The following IL1RAPL1 variants were observed in gnomAD, a reference collection of about 807,000 sequenced individuals.
IL1RAPL1 encodes interleukin 1 receptor accessory protein like 1, also known as interleukin-1 receptor accessory protein-like 1.
In IL1RAPL1, 3 loss-of-function variants were observed where a neutral mutation model predicts 48.4. The ratio of observed to expected loss-of-function variants is 0.06; its 90% confidence interval spans 0.03 to 0.16. The LOEUF is 0.16. Among genes scored for constraint, IL1RAPL1 ranks in the 10% least tolerant of loss-of-function variants. IL1RAPL1 has a pLI of 1.00. For missense variants in IL1RAPL1, 349 were observed against 530.6 expected, an observed-to-expected ratio of 0.66 and a Z score of 3.36; for synonymous variants, 185 against 187.7, an observed-to-expected ratio of 0.99 and a Z score of 0.12.
chrX:29,544,777 G>A (rs1396263066), intron 5 of IL1RAPL1, among the ~76,000 whole-genome samples: 1 of 109,379 alleles, frequency 9.1e-6, no homozygotes, highest in African/African-American at 3.3e-5. Flanking sequence ...GTGCATTTGT[G>A]TGATAGGGTG....
At chrX:28,966,827 G>C (rs902289014) in intron 2 of IL1RAPL1, among the ~76,000 whole-genome samples, 3 of 111,624 alleles carry the variant, frequency 2.7e-5, no homozygotes, top group Non-Finnish European at 5.7e-5. Context: ...TTTCTATTAA[G>C]CATGATTTAT....
intron 6 of IL1RAPL1, among the ~76,000 whole-genome samples, chrX:29,674,121 C>T (rs1926210426): frequency 9.0e-6 from 1 of 111,025 alleles, no homozygotes; most frequent in African/African-American, 3.3e-5. Context: ...AGTTGAAATT[C>T]CTTTTTATGT....
intron 2 of IL1RAPL1, among the ~76,000 whole-genome samples, chrX:29,088,826 A>T (rs55833835): frequency 0.042 from 4,666 of 110,958 alleles, 91 homozygotes; most frequent in Middle Eastern, 0.069. Flanking sequence ...AATTATATTT[A>T]ATGCAAAAAA....
At chrX:28,682,569 C>A (rs930988165) in intron 1 of IL1RAPL1, among the ~76,000 whole-genome samples, 1 of 111,262 alleles carries the variant, frequency 9.0e-6, no homozygotes, top group Non-Finnish European at 1.9e-5. Flanking sequence ...CTACCATGCC[C>A]GGCCCCTGTT....
intron 2 of IL1RAPL1, among the ~76,000 whole-genome samples, chrX:28,799,387 T>A (rs1252539954): frequency 8.9e-6 from 1 of 112,519 alleles, no homozygotes; most frequent in Admixed American, 9.4e-5. Context: ...ATTTAATAAC[T>A]TTGCAAATCC....
chrX:29,663,559 C>T (rs894535489), intron 5 of IL1RAPL1, among the ~76,000 whole-genome samples: 8 of 112,086 alleles, frequency 7.1e-5, no homozygotes, highest in Non-Finnish European at 1.5e-4. Context: ...TTATAATTAT[C>T]TAGATTATAA....
chrX:29,725,561 A>G (rs1254538499), intron 6 of IL1RAPL1, among the ~76,000 whole-genome samples: 1 of 111,365 alleles, frequency 9.0e-6, no homozygotes, highest in Non-Finnish European at 1.9e-5. Context: ...GAATGTCTCC[A>G]GACTCCCAAG....
chrX:29,203,247 T>C (rs970009266), intron 2 of IL1RAPL1, among the ~76,000 whole-genome samples: 3 of 111,266 alleles, frequency 2.7e-5, no homozygotes, highest in Non-Finnish European at 5.7e-5. Context: ...GACTGGAAGA[T>C]AGGGCCCCTA....
intron 6 of IL1RAPL1, among the ~76,000 whole-genome samples, chrX:29,843,048 C>T (rs1488318733): frequency 8.9e-6 from 1 of 112,224 alleles, no homozygotes; most frequent in Admixed American, 9.5e-5. Flanking sequence ...GCTGTATATT[C>T]GCTGCTCACT....
chrX:29,500,505 T>C (rs1053483839), intron 5 of IL1RAPL1, among the ~76,000 whole-genome samples: 1 of 111,471 alleles, frequency 9.0e-6, no homozygotes, highest in Admixed American at 9.6e-5. Context: ...AGCTCCCACA[T>C]ATGAATGAGA....
At chrX:28,997,100 C>T in intron 2 of IL1RAPL1, among the ~76,000 whole-genome samples, 1 of 110,601 alleles carries the variant, frequency 9.0e-6, no homozygotes, top group Non-Finnish European at 1.9e-5. Context: ...ATGTCAAGTG[C>T]CTATTGGTTC....
intron 6 of IL1RAPL1, among the ~76,000 whole-genome samples, chrX:29,752,495 C>CCAA (rs533554738): frequency 1.9e-5 from 1 of 52,763 alleles, no homozygotes; most frequent in African/African-American, 7.3e-5. Flanking sequence ...GACTTTGTCT[C>CCAA]AAAAAAAAAA....
chrX:29,187,681 A>G (rs1241778980), intron 2 of IL1RAPL1, among the ~76,000 whole-genome samples: 1 of 111,477 alleles, frequency 9.0e-6, no homozygotes, highest in East Asian at 2.8e-4. Flanking sequence ...AAAAAATGTG[A>G]GCAATTCAAG....
intron 6 of IL1RAPL1, among the ~76,000 whole-genome samples, chrX:29,791,144 C>A (rs752240052): frequency 1.8e-5 from 2 of 110,430 alleles, no homozygotes; most frequent in African/African-American, 6.6e-5. Flanking sequence ...TCTCTTAAAT[C>A]TCTCTATTCT....
chrX:28,658,258 C>T (rs1375460297), intron 1 of IL1RAPL1, among the ~76,000 whole-genome samples: 1 of 112,354 alleles, frequency 8.9e-6, no homozygotes, highest in Non-Finnish European at 1.9e-5. Context: ...CACTCTGTTG[C>T]CCAGGCTGGA....
In IL1RAPL1 at chrX:29,741,922, CAAAAAAAAAAAAGAAAAAAAA is replaced by C. The variant is rs1461288244; in HGVS notation, c.778+73436_778+73456del. Among the ~76,000 whole-genome samples, 66 of 25,736 alleles carry C rather than the reference CAAAAAAAAAAAAGAAAAAAAA, an allele frequency of 2.6e-3. 1 individual carries two copies. Among genetic ancestry groups the C allele is most frequent in the African/African-American group, 6.3e-3 (50 of 7,988 alleles). 22.3% of individuals were successfully genotyped at this position (25,736 alleles called of 115,157 possible). ...CCTGGGCAATAGAGCGAGACTCCGT[CAAAAAAAAAAAAGAAAAAAAA>C]AAAAAAAAAAAAGAAAAGCCCCATG... is the stretch of plus-strand genomic sequence containing the variant. On this transcript the variant is annotated intron_variant, in intron 6 of 10. Transcript: ENST00000378993.
At chrX:29,923,431 T>C (rs1932861904) in intron 8 of IL1RAPL1, among the ~76,000 whole-genome samples, 1 of 112,146 alleles carries the variant, frequency 8.9e-6, no homozygotes, top group Non-Finnish European at 1.9e-5. Context: ...AGACAGAGAA[T>C]GAAACGGCAA....
intron 2 of IL1RAPL1, among the ~76,000 whole-genome samples, chrX:29,057,900 G>T (rs1420948527): frequency 9.0e-6 from 1 of 111,364 alleles, no homozygotes; most frequent in African/African-American, 3.3e-5. Flanking sequence ...ATCAACATTT[G>T]GTATTACCTG....
chrX:29,420,271 G>A (rs776950027), intron 5 of IL1RAPL1, among the ~76,000 whole-genome samples: 13 of 112,347 alleles, frequency 1.2e-4, no homozygotes, highest in Non-Finnish European at 2.3e-4. Flanking sequence ...TGTTAGGCAA[G>A]TTTTACCAAT....
Sources: allele counts gnomAD v4.1 joint callset (sites outside exome capture counted in the v4.1 genomes callset), GRCh38; gene constraint gnomAD v4.1.1; transcripts MANE v1.5; gene names NCBI Gene and HGNC (gene_info 2026-07-23, HGNC 2026-07-21).